The following PLD5 variants were observed in gnomAD, a reference collection of about 807,000 sequenced individuals.
PLD5 encodes the protein phospholipase D family member 5.
Under a neutral mutation model 61.1 loss-of-function variants are expected in PLD5, and 36 were observed. That is an observed-to-expected ratio of 0.59 (90% CI 0.45 to 0.78). PLD5 has a LOEUF of 0.78. PLD5 is among the 30% of genes least tolerant of loss of function. PLD5 has a pLI of 0.00. For synonymous variants in PLD5, 243 were observed against 242.8 expected (o/e 1.00, Z -0.01); for missense variants, 515 against 644.4 (o/e 0.80, Z 2.17).
intron 1 of PLD5, among the ~76,000 whole-genome samples, chr1:242,392,135 C>G (rs1662969965): frequency 6.6e-6 from 1 of 152,144 alleles, no homozygotes; most frequent in Admixed American, 6.5e-5. Flanking sequence ...AAGCCATTAT[C>G]CTAAATGAAT....
intron 2 of PLD5, among the ~76,000 whole-genome samples, chr1:242,312,553 C>T (rs913258948): frequency 3.9e-5 from 6 of 152,134 alleles, no homozygotes; most frequent in African/African-American, 1.4e-4. Context: ...GTCTATAAAA[C>T]CCTTGTGATT....
chr1:242,096,736 T>C (rs1660266436), intron 9 of PLD5, among the ~76,000 whole-genome samples: 1 of 151,910 alleles, frequency 6.6e-6, no homozygotes, highest in Middle Eastern at 3.4e-3. Context: ...GTCTGGACTT[T>C]TATTTTTTAT....
intron 4 of PLD5, among the ~76,000 whole-genome samples, chr1:242,259,346 T>C (rs1673259389): frequency 6.6e-6 from 1 of 151,802 alleles, no homozygotes; most frequent in Non-Finnish European, 1.5e-5. Flanking sequence ...AAATTAATTT[T>C]AAAAAGGATG....
intron 2 of PLD5, among the ~76,000 whole-genome samples, chr1:242,303,643 T>C (rs1457082950): frequency 6.6e-6 from 1 of 152,192 alleles, no homozygotes; most frequent in East Asian, 1.9e-4. Context: ...TGGATTCAAG[T>C]TGCCTCTTCA....
chr1:242,179,568 G>A (rs1667385287), intron 5 of PLD5, among the ~76,000 whole-genome samples: 1 of 152,142 alleles, frequency 6.6e-6, no homozygotes, highest in Non-Finnish European at 1.5e-5. Context: ...CCTGGGCTGT[G>A]GTTTCTAACC....
At chr1:242,124,379 C>T in intron 6 of PLD5, 89 bp downstream of exon 6, 2 of 1,309,224 alleles carry the variant, frequency 1.5e-6, no homozygotes, top group South Asian at 1.4e-5. Context: ...CATTTTTGCC[C>T]AATACAAGAT....
chr1:242,457,104 CAT>C (rs1232625181), intron 1 of PLD5, among the ~76,000 whole-genome samples: 2 of 152,144 alleles, frequency 1.3e-5, no homozygotes, highest in Admixed American at 6.5e-5. Flanking sequence ...TGTTAAAAAA[CAT>C]ATGTTTTCAT....
At chr1:242,440,592 T>C (rs951231727) in intron 1 of PLD5, among the ~76,000 whole-genome samples, 4 of 152,228 alleles carry the variant, frequency 2.6e-5, no homozygotes, top group Non-Finnish European at 4.4e-5. Flanking sequence ...AAGAGCAAAA[T>C]TGTATAGAGT....
intron 1 of PLD5, among the ~76,000 whole-genome samples, chr1:242,385,698 C>T (rs904547985): frequency 5.3e-5 from 8 of 152,032 alleles, no homozygotes; most frequent in African/African-American, 1.9e-4. Context: ...AAGCATTTAC[C>T]CTAACTTTTC....
At chr1:242,510,268 C>T (rs2654892) in intron 1 of PLD5, among the ~76,000 whole-genome samples, 16 of 152,010 alleles carry the variant, frequency 1.1e-4, no homozygotes, top group Admixed American at 3.9e-4. Flanking sequence ...TGGGGAACCA[C>T]GGAATACGAA....
chr1:242,232,480 A>G (rs866570550), intron 4 of PLD5, among the ~76,000 whole-genome samples: 12 of 152,284 alleles, frequency 7.9e-5, no homozygotes, highest in Middle Eastern at 3.4e-3. Context: ...CTTATTTAGG[A>G]AAGTATTAAT....
In PLD5 at chr1:242,086,011, A is replaced by G. The variant is rs1659431912; in HGVS notation, c.*3843T>C. 6.6e-6 allele frequency: 1 copy of G among 152,202 alleles called. No homozygotes were observed. The highest frequency in any genetic ancestry group is 1.5e-5 in the Non-Finnish European group (1 of 68,046). 9.4% of individuals were successfully genotyped at this position (152,202 alleles called of 1,614,324 possible). ...ATAAAAGTTCCTAAAAACAAACAGA[A>G]TGAATCAGAGTCACTGAGTATAGCC... is the stretch of plus-strand genomic sequence containing the variant. On this transcript the variant is annotated 3_prime_UTR_variant, in exon 10 of 10. Coordinates refer to ENST00000536534, the MANE Select transcript of PLD5 (RefSeq NM_001372062.1).
chr1:242,498,968 T>C (rs954584230), intron 1 of PLD5, among the ~76,000 whole-genome samples: 3 of 152,214 alleles, frequency 2.0e-5, no homozygotes, highest in Non-Finnish European at 4.4e-5. Flanking sequence ...TTGAAGGGTA[T>C]TAATAGTGTT....
chr1:242,494,050 T>C (rs1308208129), intron 1 of PLD5, among the ~76,000 whole-genome samples: 2 of 149,954 alleles, frequency 1.3e-5, no homozygotes, highest in Non-Finnish European at 3.0e-5. Context: ...ATTGGTATGC[T>C]TCATGTTTCC....
Position 242,089,102 on chromosome 1 carries a change from G to T in PLD5, c.*752C>A. 2.6e-6 allele frequency: 1 copy of T among 381,206 alleles called. No individual in the cohort carries two copies. The highest frequency in any genetic ancestry group is 4.6e-6 in the Non-Finnish European group (1 of 215,542). 23.6% of individuals were successfully genotyped at this position (381,206 alleles called of 1,614,324 possible). ...TGTGATTTTTTTTAAATACCAATTC[G>T]GTAGGGGAAAAAAGGATTCAGTTGA... On this transcript the variant is annotated 3_prime_UTR_variant, in exon 10 of 10. Coordinates refer to ENST00000536534, the MANE Select transcript of PLD5 (RefSeq NM_001372062.1).
chr1:242,485,320 G>A (rs557819240), intron 1 of PLD5, among the ~76,000 whole-genome samples: 6 of 152,106 alleles, frequency 3.9e-5, no homozygotes, highest in Non-Finnish European at 7.3e-5. Flanking sequence ...AAACCCCATC[G>A]TCTCAGCCCA....
At chr1:242,463,327 C>A (rs1425912268) in intron 1 of PLD5, among the ~76,000 whole-genome samples, 2 of 152,232 alleles carry the variant, frequency 1.3e-5, no homozygotes, top group African/African-American at 4.8e-5. Context: ...TGCTTGTCAT[C>A]CAGCCTTCAA....
chr1:242,175,992 T>C lies in PLD5; in HGVS notation c.735+43996A>G, dbSNP rs181539475. Among the ~76,000 whole-genome samples, 30 of 152,244 alleles carry C rather than the reference T, an allele frequency of 2.0e-4. No individual in the cohort carries two copies. The East Asian group carries it at 5.4e-3, about 27-fold the overall frequency. On this transcript the variant is annotated intron_variant, in intron 5 of 9. Transcript: ENST00000536534. ...TCATGGATGGGAAGAATCAATATCA[T>C]GAAAATGGCCATACTGCCCAAAGTA... is the stretch of plus-strand genomic sequence containing the variant.
intron 5 of PLD5, among the ~76,000 whole-genome samples, chr1:242,202,208 G>A (rs780227694): frequency 5.3e-5 from 8 of 151,828 alleles, no homozygotes; most frequent in Non-Finnish European, 1.0e-4. Context: ...GTAAGACTCT[G>A]TATCCAAAAA....
Sources: gnomAD v4.1 joint callset for allele counts (sites outside exome capture counted in the v4.1 genomes callset) on GRCh38, gnomAD v4.1.1 for gene constraint, MANE v1.5 for transcripts, NCBI Gene and HGNC (gene_info 2026-07-23, HGNC 2026-07-21) for gene names.